FUBP3: variants seen among roughly 807,000 people sequenced by gnomAD.
The protein encoded by FUBP3 is far upstream element-binding protein 3.
FUBP3 carries 28 observed loss-of-function variants against 85.6 expected under a neutral mutation model. The observed-to-expected ratio is 0.33, with a 90% CI of 0.24 to 0.45. The LOEUF (loss-of-function observed/expected upper bound fraction) is 0.45, where lower values mean the gene tolerates loss of function less well. Ranked by LOEUF, FUBP3 falls within the 20% of genes least tolerant of loss-of-function variation. FUBP3 has a pLI of 1.00. For synonymous variants in FUBP3, 271 were observed against 271.4 expected, an observed-to-expected ratio of 1.00 and a Z score of 0.01; for missense variants, 583 against 755.1, an observed-to-expected ratio of 0.77 and a Z score of 2.67.
At chr9:130,589,017 T>A (rs1830469502) in intron 1 of FUBP3, among the ~76,000 whole-genome samples, 1 of 152,194 alleles carries the variant, frequency 6.6e-6, no homozygotes, top group Non-Finnish European at 1.5e-5. Context: ...CTGCTTGCTG[T>A]ATCCATGCCA....
chr9:130,631,265 C>A, intron 13 of FUBP3: 1 of 1,326,898 alleles, frequency 7.5e-7, no homozygotes, highest in Non-Finnish European at 9.6e-7. Flanking sequence ...AGCCTTGGGC[C>A]AGCCTAAGTT....
intron 18 of FUBP3, among the ~76,000 whole-genome samples, chr9:130,636,682 C>T (rs141426899): frequency 1.7e-4 from 26 of 152,358 alleles, no homozygotes; most frequent in Non-Finnish European, 3.2e-4. Context: ...GGGCGCATTT[C>T]CCACCTGATG....
rs1830376419 is a variant in FUBP3 at position 130,635,361 on chromosome 9, G to A, written c.1582+623G>A. Among the ~76,000 whole-genome samples the A allele has an allele frequency of 6.6e-6, 1 of 152,210 alleles. No individual in the cohort carries two copies. Among genetic ancestry groups the A allele is most frequent in the Non-Finnish European group, 1.5e-5 (1 of 68,044 alleles). ...ATATCCCACGATTACTAGACCGGAGGACTGAGGGCTTGTTTAAAGAGGTAT... is the reference window on the plus strand; with the variant it reads ...ATATCCCACGATTACTAGACCGGAGAACTGAGGGCTTGTTTAAAGAGGTAT... On this transcript the variant is annotated intron_variant, in intron 17 of 18. Transcript: ENST00000319725. This position sits in a 1 kb window ranked among gnomAD's most constrained non-coding sequence, Gnocchi z 4.3.
chr9:130,620,508 G>T (rs1480395603), intron 9 of FUBP3, 50 bp downstream of exon 9: 9 of 887,574 alleles, frequency 1.0e-5, no homozygotes, highest in Non-Finnish European at 1.6e-5. Flanking sequence ...GACTAAAGTT[G>T]TAGGTCACAC....
intron 2 of FUBP3, among the ~76,000 whole-genome samples, chr9:130,609,412 C>G (rs1488025097): frequency 1.4e-5 from 2 of 145,016 alleles, no homozygotes; most frequent in East Asian, 4.1e-4. Flanking sequence ...AGGCTGGATC[C>G]TCTCCTTCAG....
intron 2 of FUBP3, among the ~76,000 whole-genome samples, chr9:130,599,359 A>ATGTGTGTGTGTG (rs10532542): frequency 6.7e-6 from 1 of 148,824 alleles, no homozygotes; most frequent in African/African-American, 2.5e-5. Context: ...ATATAAGTAT[A>ATGTGTGTGTGTG]TGTGTGTGTG....
At chr9:130,598,957 A>G (rs1169762409) in intron 2 of FUBP3, among the ~76,000 whole-genome samples, 1 of 152,186 alleles carries the variant, frequency 6.6e-6, no homozygotes, top group Non-Finnish European at 1.5e-5. Flanking sequence ...GAGCCCAGAC[A>G]TTCGAGGCCA....
intron 2 of FUBP3, among the ~76,000 whole-genome samples, chr9:130,602,304 AT>A (rs562886748): frequency 1.5e-3 from 221 of 152,290 alleles, no homozygotes; most frequent in Non-Finnish European, 2.4e-3. Flanking sequence ...TAAAGGACGA[AT>A]TCTTGGGCGT....
intron 1 of FUBP3, 127 bp from the exon 2 acceptor site, chr9:130,595,356 G>T: frequency 1.5e-6 from 1 of 645,806 alleles, no homozygotes; most frequent in East Asian, 2.6e-5. Context: ...CTCTTGCGGT[G>T]CTGCCTTCCA....
chr9:130,616,251 G>T lies in FUBP3; in HGVS notation c.405-104G>T, dbSNP rs1390759725. ...AGGAGCTGGAGCTGGATGGAGGGCT[G>T]CCCTGACTCCCGCAGGTTTTTCCCT... On this transcript the variant is annotated intron_variant, in intron 6 of 18. Coordinates refer to ENST00000319725, the MANE Select transcript of FUBP3 (RefSeq NM_003934.2). This position sits in a 1 kb window ranked among gnomAD's most constrained non-coding sequence, Gnocchi z 4.7. 25 of 1,063,492 alleles carry T rather than the reference G, an allele frequency of 2.4e-5. No individual in the cohort carries two copies. The highest frequency in any genetic ancestry group is 3.4e-5 in the Non-Finnish European group (24 of 715,660). 65.9% of individuals were successfully genotyped at this position (1,063,492 alleles called of 1,614,324 possible).
Position 130,612,807 on chromosome 9 carries a change from C to G in FUBP3, c.275-149C>G. 1 of 644,828 alleles carries G rather than the reference C, an allele frequency of 1.6e-6. No homozygotes were observed. Among genetic ancestry groups the G allele is most frequent in the Non-Finnish European group, 2.8e-6 (1 of 361,754 alleles). 39.9% of individuals were successfully genotyped at this position (644,828 alleles called of 1,614,324 possible). A position where few individuals can be genotyped will look rare whatever the true frequency, so the allele number is the denominator to read the frequency against. On this transcript the variant is annotated intron_variant, in intron 4 of 18. Transcript: ENST00000319725. The surrounding 1 kb of genome is among the most constrained non-coding windows in gnomAD (Gnocchi z 4.1). Reference sequence around the variant, plus strand: ...ACAAGGGCTTTCTGCTGCCATCATGCCCAAAGAGTGGAGATGGGCTCACGG... The same window carrying G: ...ACAAGGGCTTTCTGCTGCCATCATGGCCAAAGAGTGGAGATGGGCTCACGG...
chr9:130,580,073 C>T (rs777586043), intron 1 of FUBP3, among the ~76,000 whole-genome samples: 18 of 152,202 alleles, frequency 1.2e-4, no homozygotes, highest in Non-Finnish European at 2.2e-4. Context: ...GCGCGGGGTT[C>T]TGAACCTCGC....
chr9:130,607,087 C>T (rs748347168), intron 2 of FUBP3, among the ~76,000 whole-genome samples: 2 of 151,976 alleles, frequency 1.3e-5, no homozygotes, highest in African/African-American at 4.8e-5. Context: ...ATCAGCCTCC[C>T]GAGTAGCTGG....
chr9:130,618,810 A>T (rs909604581), intron 8 of FUBP3, among the ~76,000 whole-genome samples: 4 of 152,234 alleles, frequency 2.6e-5, no homozygotes, highest in Admixed American at 2.0e-4. Context: ...TATTGCCCCC[A>T]GTTCTGAACC....
chr9:130,605,764 A>T (rs1015595763), intron 2 of FUBP3, among the ~76,000 whole-genome samples: 5 of 152,202 alleles, frequency 3.3e-5, no homozygotes, highest in African/African-American at 9.6e-5. Flanking sequence ...CAGGCGGATC[A>T]CCTGATGTCA....
Position 130,637,366 on chromosome 9 carries a change from G to T in FUBP3, c.*344G>T. 4.0e-6 allele frequency: 1 copy of T among 252,312 alleles called. No homozygotes were observed. Among genetic ancestry groups the T allele is most frequent in the Non-Finnish European group, 7.7e-6 (1 of 129,060 alleles). The allele number at this position is 252,312 out of a possible 1,614,324, so 15.6% of individuals were successfully genotyped here. A position where few individuals can be genotyped will look rare whatever the true frequency, so the allele number is the denominator to read the frequency against. ...TGGTTTTGTGTCCTTTTTATTTGCA[G>T]TTTTTTCTGTTGCAACAGAAAGTGG... On this transcript the variant is annotated 3_prime_UTR_variant, in exon 19 of 19. Transcript: ENST00000319725.
In FUBP3 at chr9:130,636,870, C is replaced by T. The variant is rs371729917; in HGVS notation, c.1711-144C>T. On this transcript the variant is annotated intron_variant, in intron 18 of 18. Transcript: ENST00000319725. ...GTCCGCTCTTCCCTGCCCCAAGTCC[C>T]TAGTGGAGAGAGAAGCCCAAGACCT... 5 of 719,262 alleles carry T rather than the reference C, an allele frequency of 7.0e-6. No homozygotes were observed. In the East Asian group the frequency reaches 1.0e-4, roughly 15 times the overall value. 44.6% of individuals were successfully genotyped at this position (719,262 alleles called of 1,614,324 possible).
chr9:130,579,843 G>A (rs1830054960), intron 1 of FUBP3, 79 bp downstream of exon 1: 1 of 871,558 alleles, frequency 1.1e-6, no homozygotes, highest in Non-Finnish European at 1.5e-6. Flanking sequence ...TTCGGGCCTG[G>A]GGGGCGGGAG....
intron 12 of FUBP3, among the ~76,000 whole-genome samples, chr9:130,628,128 C>A (rs547177920): frequency 0.021 from 2,945 of 140,362 alleles, 95 homozygotes; most frequent in East Asian, 0.16. Context: ...ACACACACAC[C>A]CCCTACCCCT....
Sources: gnomAD v4.1 joint callset for allele counts (sites outside exome capture counted in the v4.1 genomes callset) on GRCh38, gnomAD v4.1.1 for gene constraint, Gnocchi (gnomAD v3.1) non-coding constraint, MANE v1.5 for transcripts, NCBI Gene and HGNC (gene_info 2026-07-23, HGNC 2026-07-21) for gene names.